The following ME3 variants were observed in gnomAD, a reference collection of about 807,000 sequenced individuals.
ME3 encodes the protein malic enzyme 3.
A neutral mutation model predicts 68.9 loss-of-function variants in ME3; 48 were observed. The ratio of observed to expected loss-of-function variants is 0.70; its 90% CI spans 0.55 to 0.89. The LOEUF is 0.89. ME3 is among the 40% of genes least tolerant of loss of function. The pLI, the probability that ME3 is intolerant of heterozygous loss-of-function variation, is 0.00. For missense variants in ME3, 675 were observed against 797.4 expected (o/e 0.85, Z 1.85); for synonymous variants, 320 against 318.8 (o/e 1.00, Z -0.04).
intron 4 of ME3, among the ~76,000 whole-genome samples, chr11:86,514,889 C>T (rs568588438): frequency 5.3e-5 from 8 of 152,264 alleles, no homozygotes; most frequent in South Asian, 2.1e-4. Flanking sequence ...GGAGTCAGAT[C>T]GCCTGGGCTC....
chr11:86,602,249 T>G (rs1014883697), intron 2 of ME3, among the ~76,000 whole-genome samples: 26 of 148,892 alleles, frequency 1.7e-4, no homozygotes, highest in Admixed American at 6.3e-4. Flanking sequence ...AGGCAACTTC[T>G]GCAAAGTCTC....
At position 86,556,669 on chromosome 11, in the gene ME3, G is replaced by A. The variant is rs74559403; in HGVS notation, c.351C>T (p.Asn117=). The A allele has an allele frequency of 4.1e-4, 669 of 1,614,110 alleles. 5 individuals carry two copies. In the East Asian group the frequency reaches 0.014, roughly 34 times the overall value. ...TCAGCACTCGGTAGAAGAGCTTCTCGTTCCGGTCTTGGAGTGTCATGAGAA... is the reference window on the plus strand; with the variant it reads ...TCAGCACTCGGTAGAAGAGCTTCTCATTCCGGTCTTGGAGTGTCATGAGAA... Residue 117 remains asparagine (N), a synonymous_variant, in exon 4 of 15, where the codon AAC becomes AAT. Coordinates refer to ENST00000543262, the Ensembl canonical transcript of ME3.
chr11:86,596,303 C>T (rs968167406), intron 2 of ME3, among the ~76,000 whole-genome samples: 2 of 152,142 alleles, frequency 1.3e-5, no homozygotes, highest in Non-Finnish European at 2.9e-5. Context: ...ATTTCAGTCT[C>T]TTTTGACTAG....
At chr11:86,556,684 T>G (rs200345960) in exon 4 of ME3, 3 of 1,613,940 alleles carry the variant, frequency 1.9e-6, no homozygotes, top group Admixed American at 1.7e-5. Context: ...GGTCTTGGAG[T>G]GTCATGAGAA....
At chr11:86,605,705 CTT>C (rs1237619869) in intron 2 of ME3, among the ~76,000 whole-genome samples, 1 of 152,078 alleles carries the variant, frequency 6.6e-6, no homozygotes, top group African/African-American at 2.4e-5. Flanking sequence ...TATTTAAAAT[CTT>C]TGTAACAACC....
At chr11:86,483,504 CGTGT>C (rs370614670) in intron 7 of ME3, among the ~76,000 whole-genome samples, 1 of 150,506 alleles carries the variant, frequency 6.6e-6, no homozygotes, top group Non-Finnish European at 1.5e-5. Context: ...TCAGGGATTA[CGTGT>C]GTGTGTGTGA....
intron 4 of ME3, among the ~76,000 whole-genome samples, chr11:86,511,787 G>T (rs555428364): frequency 6.6e-6 from 1 of 152,132 alleles, no homozygotes; most frequent in South Asian, 2.1e-4. Context: ...TTCCCTAGTT[G>T]CTCCTGTAGA....
chr11:86,465,007 C>A, intron 8 of ME3, 84 bp downstream of exon 8: 3 of 1,120,656 alleles, frequency 2.7e-6, no homozygotes, highest in East Asian at 4.8e-5. Flanking sequence ...GGGTGACAGC[C>A]TTTCCTCACC....
At chr11:86,457,129 C>T (rs1304015122) in intron 8 of ME3, among the ~76,000 whole-genome samples, 1 of 152,178 alleles carries the variant, frequency 6.6e-6, no homozygotes, top group Non-Finnish European at 1.5e-5. Context: ...CCATTATTCC[C>T]ACTCCTATTT....
chr11:86,572,514 T>A (rs565144935), intron 2 of ME3, among the ~76,000 whole-genome samples: 1 of 152,188 alleles, frequency 6.6e-6, no homozygotes, highest in African/African-American at 2.4e-5. Context: ...CTCCCACTTA[T>A]GAGTGAGAAC....
At chr11:86,465,273 A>G (rs540188359) in intron 7 of ME3, 73 bp from the exon 8 acceptor site, 5 of 873,628 alleles carry the variant, frequency 5.7e-6, no homozygotes, top group Non-Finnish European at 7.2e-6. Flanking sequence ...CAGCTTGCAC[A>G]GTGGGGTGGG....
chr11:86,631,621 T>C (rs1944021476), intron 2 of ME3, among the ~76,000 whole-genome samples: 1 of 152,226 alleles, frequency 6.6e-6, no homozygotes, highest in Admixed American at 6.5e-5. Context: ...CTGATGCATC[T>C]GGAACCATGG....
At chr11:86,586,272 A>G (rs1958727965) in intron 2 of ME3, among the ~76,000 whole-genome samples, 1 of 152,114 alleles carries the variant, frequency 6.6e-6, no homozygotes, top group Non-Finnish European at 1.5e-5. Flanking sequence ...GGATTAGGTT[A>G]GTGGGTAGGA....
chr11:86,639,693 A>G (rs945401603), intron 2 of ME3, among the ~76,000 whole-genome samples: 1 of 152,184 alleles, frequency 6.6e-6, no homozygotes, highest in African/African-American at 2.4e-5. Flanking sequence ...CATGCCTCCT[A>G]TTTTCTACAA....
At chr11:86,448,205 A>C (rs1406118869) in exon 11 of ME3, 1 of 1,614,160 alleles carries the variant, frequency 6.2e-7, no homozygotes, top group Non-Finnish European at 8.5e-7. Context: ...AGTTGACTTC[A>C]GGATGGTCTT....
At chr11:86,572,275 AT>A (rs79139743) in intron 2 of ME3, among the ~76,000 whole-genome samples, 36,911 of 148,268 alleles carry the variant, frequency 0.25, 4,889 homozygotes, top group East Asian at 0.54. Flanking sequence ...ACTAAAGGGA[AT>A]TTTTTTTTTT....
At chr11:86,575,919 T>C (rs1296842390) in intron 2 of ME3, among the ~76,000 whole-genome samples, 2 of 151,962 alleles carry the variant, frequency 1.3e-5, no homozygotes, top group Non-Finnish European at 2.9e-5. Context: ...TAAAGTGGAG[T>C]GTGAAATTGT....
chr11:86,595,960 G>A (rs1014678976), intron 2 of ME3, among the ~76,000 whole-genome samples: 6 of 152,234 alleles, frequency 3.9e-5, no homozygotes, highest in South Asian at 2.1e-4. Flanking sequence ...TCTGGGTTCA[G>A]ATGCCTCCAT....
At chr11:86,634,133 AGG>A (rs1270765501) in intron 2 of ME3, among the ~76,000 whole-genome samples, 1 of 152,086 alleles carries the variant, frequency 6.6e-6, no homozygotes, top group African/African-American at 2.4e-5. Flanking sequence ...GAAGAAAAAA[AGG>A]AGAAGGAAGA....
Sources: allele counts gnomAD v4.1 joint callset (sites outside exome capture counted in the v4.1 genomes callset), GRCh38; gene constraint gnomAD v4.1.1; transcripts MANE v1.5; gene names NCBI Gene and HGNC (gene_info 2026-07-23, HGNC 2026-07-21).